The following RCOR1 variants were observed in gnomAD, a reference collection of about 807,000 sequenced individuals.
RCOR1 encodes REST corepressor 1, also known as REST corepressor.
RCOR1 carries 12 observed loss-of-function variants against 64.0 expected under a neutral mutation model. That is an observed-to-expected ratio of 0.19 (90% CI 0.12 to 0.30). The LOEUF (loss-of-function observed/expected upper bound fraction) is 0.30. Among genes scored for constraint, RCOR1 ranks in the 10% least tolerant of loss-of-function variants. The probability of loss-of-function intolerance (pLI) is 1.00; values close to 1 mark genes in which losing one functional copy is unlikely to be tolerated. For synonymous variants in RCOR1, 279 were observed against 227.2 expected, an observed-to-expected ratio of 1.23 and a Z score of -2.05; for missense variants, 502 against 621.2, an observed-to-expected ratio of 0.81 and a Z score of 2.04.
Position 102,722,488 on chromosome 14 carries a change from A to AT in RCOR1, c.1419+78dup, listed in dbSNP as rs1360483607. 2.4e-6 allele frequency: 3 copies of AT among 1,268,756 alleles called. No homozygotes were observed. The South Asian group carries it at 4.0e-5, about 17-fold the overall frequency. The allele number at this position is 1,268,756 out of a possible 1,614,324, so 78.6% of individuals were successfully genotyped here. ...GATACTCCAGTTTCTAAAGTGATGA[A>AT]TTTTTTCAGCTATAGAGATTTTTAG... On this transcript the variant is annotated intron_variant, in intron 11 of 11. Transcript: ENST00000262241.
chr14:102,593,575 A>G (rs561621890), intron 2 of RCOR1, among the ~76,000 whole-genome samples: 8 of 152,308 alleles, frequency 5.3e-5, no homozygotes, highest in Non-Finnish European at 1.0e-4. Context: ...TGCGCCTCCG[A>G]GGACTGCGGG....
At chr14:102,722,503 G>T in intron 11 of RCOR1, 87 bp downstream of exon 11, 1 of 1,086,504 alleles carries the variant, frequency 9.2e-7, no homozygotes, top group East Asian at 2.4e-5. Context: ...TTCAGCTATA[G>T]AGATTTTTAG....
At chr14:102,650,871 AT>A (rs1894574745) in intron 2 of RCOR1, 1 of 432,328 alleles carries the variant, frequency 2.3e-6, no homozygotes, top group Non-Finnish European at 3.1e-6. Context: ...ACGGGACTTG[AT>A]TTAGAGCACT....
chr14:102,685,629 C>T (rs1435880710), intron 3 of RCOR1, among the ~76,000 whole-genome samples: 1 of 152,028 alleles, frequency 6.6e-6, no homozygotes, highest in East Asian at 1.9e-4. Flanking sequence ...ACTACACACG[C>T]AGGCCCCTGC....
chr14:102,671,826 C>T (rs1895037293), intron 2 of RCOR1, among the ~76,000 whole-genome samples: 1 of 152,196 alleles, frequency 6.6e-6, no homozygotes, highest in Non-Finnish European at 1.5e-5. Flanking sequence ...AAATGCTGTA[C>T]CTGTTAGCAG....
chr14:102,711,140 T>C (rs1895948957), intron 7 of RCOR1, 127 bp downstream of exon 7: 1 of 625,566 alleles, frequency 1.6e-6, no homozygotes. Context: ...GATATGACTA[T>C]TTTTCAACAA....
chr14:102,592,786 G>A lies in RCOR1; in HGVS notation c.-101G>A, dbSNP rs1893153558. On this transcript the variant is annotated 5_prime_UTR_variant, in exon 1 of 12. Transcript: ENST00000262241. ...GCGCCCGTGGGCTCCCGCCGCGCCC[G>A]CCCGGCCCCGCGCCGGCCCCGCGCC... is the stretch of plus-strand genomic sequence containing the variant. 2.5e-6 allele frequency: 3 copies of A among 1,186,294 alleles called. No individual in the cohort carries two copies. The highest frequency in any genetic ancestry group is 3.1e-6 in the Non-Finnish European group (3 of 959,802). 73.5% of individuals were successfully genotyped at this position (1,186,294 alleles called of 1,614,324 possible).
chr14:102,710,572 G>A (rs551020486), intron 6 of RCOR1, among the ~76,000 whole-genome samples: 1 of 152,196 alleles, frequency 6.6e-6, no homozygotes, highest in East Asian at 1.9e-4. Flanking sequence ...GTTTTGTTTA[G>A]TAATCATATC....
chr14:102,631,664 ATC>A (rs1424657120), intron 2 of RCOR1, among the ~76,000 whole-genome samples: 1 of 152,142 alleles, frequency 6.6e-6, no homozygotes, highest in African/African-American at 2.4e-5. Flanking sequence ...TGAATCTTGA[ATC>A]TGTTTTCCTG....
chr14:102,677,160 GA>G (rs1205922120), intron 2 of RCOR1, among the ~76,000 whole-genome samples: 1 of 125,394 alleles, frequency 8.0e-6, no homozygotes. Flanking sequence ...GCGGGGGGCT[GA>G]CCCCCCCCCA....
At chr14:102,712,671 T>G (rs1252411715) in intron 7 of RCOR1, among the ~76,000 whole-genome samples, 1 of 151,756 alleles carries the variant, frequency 6.6e-6, no homozygotes, top group Non-Finnish European at 1.5e-5. Flanking sequence ...GGCTTTTTTT[T>G]TTTTTTTTGG....
At chr14:102,648,429 T>A (rs1295790239) in intron 2 of RCOR1, among the ~76,000 whole-genome samples, 1 of 152,194 alleles carries the variant, frequency 6.6e-6, no homozygotes, top group Non-Finnish European at 1.5e-5. Context: ...TATTTCAAAT[T>A]TATCTTGTAT....
chr14:102,612,133 A>G (rs1436665790), intron 2 of RCOR1, among the ~76,000 whole-genome samples: 1 of 151,738 alleles, frequency 6.6e-6, no homozygotes, highest in Non-Finnish European at 1.5e-5. Context: ...AGGGACAAAG[A>G]CCAAATACAT....
At chr14:102,605,392 C>T (rs1893484582) in intron 2 of RCOR1, among the ~76,000 whole-genome samples, 1 of 152,156 alleles carries the variant, frequency 6.6e-6, no homozygotes, top group South Asian at 2.1e-4. Flanking sequence ...GATGGTGTGA[C>T]TGAAGGCTAT....
At chr14:102,639,831 TATTC>T (rs34567389) in intron 2 of RCOR1, among the ~76,000 whole-genome samples, 111,122 of 147,164 alleles carry the variant, frequency 0.76, 42,513 homozygotes, top group Middle Eastern at 0.86. Context: ...GAGCTCAGCC[TATTC>T]ATTCATTCAT....
At chr14:102,654,786 GTTTTTTTTT>G (rs570052553) in intron 2 of RCOR1, among the ~76,000 whole-genome samples, 1 of 118,386 alleles carries the variant, frequency 8.4e-6, no homozygotes, top group Non-Finnish European at 1.7e-5. Flanking sequence ...CTGTGGTTGA[GTTTTTTTTT>G]TTTTTTTTTT....
intron 3 of RCOR1, among the ~76,000 whole-genome samples, chr14:102,699,052 A>G (rs1300574775): frequency 6.6e-6 from 1 of 152,036 alleles, no homozygotes; most frequent in Non-Finnish European, 1.5e-5. Context: ...ACGCCCAGCT[A>G]ATTTTTGTAT....
intron 2 of RCOR1, among the ~76,000 whole-genome samples, chr14:102,596,915 C>G (rs1893263541): frequency 6.8e-6 from 1 of 146,042 alleles, no homozygotes; most frequent in African/African-American, 2.6e-5. Flanking sequence ...ATCTGTTGCC[C>G]AGGCTGGAGT....
intron 2 of RCOR1, among the ~76,000 whole-genome samples, chr14:102,612,185 C>T (rs1159250352): frequency 6.6e-6 from 1 of 152,148 alleles, no homozygotes; most frequent in Non-Finnish European, 1.5e-5. Context: ...GTTCATGTCA[C>T]TCTACCTTGA....
Sources: allele counts gnomAD v4.1 joint callset (sites outside exome capture counted in the v4.1 genomes callset), GRCh38; gene constraint gnomAD v4.1.1; transcripts MANE v1.5; gene names NCBI Gene and HGNC (gene_info 2026-07-23, HGNC 2026-07-21).